ZNF136: variants seen among roughly 807,000 people sequenced by gnomAD.
The protein encoded by ZNF136 is zinc finger protein 136.
Under a neutral mutation model 11.4 loss-of-function variants are expected in ZNF136, and 8 were observed. The ratio of observed to expected loss-of-function variants is 0.70; its 90% CI spans 0.41 to 1.27. The LOEUF (loss-of-function observed/expected upper bound fraction) is 1.27. ZNF136 is among the 50% of genes most tolerant of loss of function. ZNF136 has a pLI of 0.01. For synonymous variants in ZNF136, 190 were observed against 207.1 expected (o/e 0.92, Z 0.71); for missense variants, 590 against 656.5 (o/e 0.90, Z 1.11).
chr19:12,187,733 A>G lies in ZNF136; in HGVS notation c.1355A>G (p.Gln452Arg). The change falls in exon 4 of 4, where the codon CAA becomes CGA. Residue 452 changes from glutamine to arginine, a missense_variant. Transcript: ENST00000343979. ...GGAGAGAAACCCTATGAGTGTAAGC[A>G]ATGTGGGAAAGCCTTCAGTTATCTC... ...HTGEKPYECK[Q>R]CGKAFSYLNS... is the part of the protein sequence containing the mutation. 1 of 1,613,714 alleles carries G rather than the reference A, an allele frequency of 6.2e-7. No individual in the cohort carries two copies. The highest frequency in any genetic ancestry group is 8.5e-7 in the Non-Finnish European group (1 of 1,179,912).
At chr19:12,185,609 G>A (rs768194996) in intron 1 of ZNF136, 176 bp from the exon 2 acceptor site, 10 of 735,972 alleles carry the variant, frequency 1.4e-5, no homozygotes, top group Non-Finnish European at 2.1e-5. Flanking sequence ...TGTTCTACCC[G>A]ATAGTTCCAT....
At chr19:12,183,934 A>T (rs1024506919) in intron 1 of ZNF136, among the ~76,000 whole-genome samples, 1 of 152,208 alleles carries the variant, frequency 6.6e-6, no homozygotes. Flanking sequence ...GTAGGTAGAT[A>T]AATTGGTGAA....
rs1229130912 is a variant in ZNF136, at chr19:12,185,871, A to G, written c.90A>G (p.Arg30=). ...ATCCTTCCCAGAAGAATCTCTACAGAGATGTGATGTGGGAAACCATGAGGA... is the reference window on the plus strand; with the variant it reads ...ATCCTTCCCAGAAGAATCTCTACAGGGATGTGATGTGGGAAACCATGAGGA... The part of the protein sequence containing the change: ...LLDPSQKNLY[R]DVMWETMRNL... Residue 30 remains arginine (R), a synonymous_variant, in exon 2 of 4, where the codon AGA becomes AGG. Transcript: ENST00000343979. The G allele has an allele frequency of 6.2e-7, 1 of 1,613,984 alleles. No individual in the cohort carries two copies.
intron 1 of ZNF136, among the ~76,000 whole-genome samples, chr19:12,176,991 G>C (rs1419507351): frequency 1.3e-5 from 2 of 152,144 alleles, no homozygotes; most frequent in Non-Finnish European, 2.9e-5. Context: ...TTAAAATCTG[G>C]AATGCTTTTA....
At chr19:12,168,379 C>T (rs1914544385) in intron 1 of ZNF136, among the ~76,000 whole-genome samples, 1 of 151,894 alleles carries the variant, frequency 6.6e-6, no homozygotes, top group Non-Finnish European at 1.5e-5. Flanking sequence ...CCCGACAAGC[C>T]CCGTTTTTGA....
chr19:12,179,076 C>T (rs1431147973), intron 1 of ZNF136, among the ~76,000 whole-genome samples: 5 of 150,670 alleles, frequency 3.3e-5, no homozygotes, highest in Non-Finnish European at 7.4e-5. Flanking sequence ...GTGTTTTTTT[C>T]ACATAAATTT....
chr19:12,185,548 A>T (rs1477147564), intron 1 of ZNF136: 25 of 422,014 alleles, frequency 5.9e-5, no homozygotes, highest in Non-Finnish European at 4.2e-6. Context: ...CTCAGGCAGC[A>T]CGTATTACTC....
In ZNF136 at chr19:12,186,920, A is replaced by C. The variant is rs571542494; in HGVS notation, c.542A>C (p.Lys181Thr). The change falls in exon 4 of 4, where the codon AAA becomes ACA. Residue 181 changes from lysine (K) to threonine (T), a missense_variant. Transcript: ENST00000343979. ...TGTGGAAAAACCTTCTTTTCTCTCAAAAGAATTAGAAGACACATCATCACA... is the reference window on the plus strand; with the variant it reads ...TGTGGAAAAACCTTCTTTTCTCTCACAAGAATTAGAAGACACATCATCACA... ...KECGKTFFSL[K>T]RIRRHIITHS... 8 of 1,613,770 alleles carry C rather than the reference A, an allele frequency of 5.0e-6. No individual in the cohort carries two copies. The South Asian group carries it at 8.8e-5, about 18-fold the overall frequency.
At chr19:12,179,927 G>A (rs914614704) in intron 1 of ZNF136, among the ~76,000 whole-genome samples, 5 of 151,718 alleles carry the variant, frequency 3.3e-5, no homozygotes, top group East Asian at 3.9e-4. Context: ...GTGCAGTGGC[G>A]CAGTCTCGGC....
intron 1 of ZNF136, among the ~76,000 whole-genome samples, chr19:12,172,969 G>C (rs965642941): frequency 6.6e-6 from 1 of 151,980 alleles, no homozygotes; most frequent in Non-Finnish European, 1.5e-5. Context: ...CCGAGATTGC[G>C]TCACTGCACT....
chr19:12,186,633 C>A lies in ZNF136; in HGVS notation c.255C>A (p.Ser85Arg). The change falls in exon 4 of 4, where the codon AGC becomes AGA. Residue 85 changes from serine to arginine, a missense_variant. Physicochemically the swap from Ser to Arg is moderately radical, Grantham distance 110 (BLOSUM62 -1). Coordinates refer to ENST00000343979, the MANE Select transcript of ZNF136 (RefSeq NM_003437.5). ...KDGSQRGGIF[S>R]QFANQNLSKK... The stretch of plus-strand genomic sequence containing the variant: ...GTAGTCAGCGTGGAGGAATTTTTAG[C>A]CAGTTTGCAAATCAGAATCTGAGCA... The A allele has an allele frequency of 6.2e-7, 1 of 1,614,058 alleles. No homozygotes were observed. Among genetic ancestry groups the A allele is most frequent in the Non-Finnish European group, 8.5e-7 (1 of 1,179,988 alleles).
chr19:12,185,525 A>G lies in ZNF136; in HGVS notation c.4-260A>G, dbSNP rs565644123. On this transcript the variant is annotated intron_variant, in intron 1 of 3. Coordinates refer to ENST00000343979, the MANE Select transcript of ZNF136 (RefSeq NM_003437.5). ...TTCTACAGGTCCACTGTATGAGCAG[A>G]CATTAGCTGGGACTCAGGCAGCACG... The G allele has an allele frequency of 3.5e-5, 12 of 340,184 alleles. No homozygotes were observed. In the Admixed American group the frequency reaches 4.2e-4, roughly 12 times the overall value. 21.1% of individuals were successfully genotyped at this position (340,184 alleles called of 1,614,324 possible).
At position 12,172,153 on chromosome 19, in the gene ZNF136, A is replaced by G. The variant is rs156177; in HGVS notation, c.3+8947A>G. 1.3e-3 allele frequency among the ~76,000 whole-genome samples: 192 copies of G among 151,840 alleles called. 1 individual carries two copies. The highest frequency in any genetic ancestry group is 4.4e-3 in the African/African-American group (182 of 41,412). On this transcript the variant is annotated intron_variant, in intron 1 of 3. Coordinates refer to ENST00000343979, the MANE Select transcript of ZNF136 (RefSeq NM_003437.5). ...GCCACCATGCCCGGCTAATTTTTGT[A>G]GTTTTAGTAGAGACAGGGTTCCTGA...
chr19:12,181,490 T>A (rs2025480954), intron 1 of ZNF136, among the ~76,000 whole-genome samples: 1 of 151,982 alleles, frequency 6.6e-6, no homozygotes, highest in South Asian at 2.1e-4. Context: ...TTTTTTTTTT[T>A]TTGGTGGAGT....
Position 12,185,790 on chromosome 19 carries a change from G to A in ZNF136, c.9G>A (p.Ser3=), listed in dbSNP as rs117086249. 6,029 of 1,613,168 alleles carry A rather than the reference G, an allele frequency of 3.7e-3. 28 individuals are homozygous for A. The highest frequency in any genetic ancestry group is 6.9e-3 in the Middle Eastern group (42 of 6,050). Residue 3 remains serine, a synonymous_variant, in exon 2 of 4, where the codon TCG becomes TCA. Coordinates refer to ENST00000343979, the MANE Select transcript of ZNF136 (RefSeq NM_003437.5). MD[S]VAFEDVDVNF... is the part of the protein sequence containing the mutation. ...ACATATGTGGGATGTTTCAGGACTC[G>A]GTGGCTTTTGAGGATGTAGATGTGA...
chr19:12,166,554 G>C (rs2145625607), intron 1 of ZNF136, among the ~76,000 whole-genome samples: 1 of 152,290 alleles, frequency 6.6e-6, no homozygotes, highest in East Asian at 1.9e-4. Context: ...GTGAATAACT[G>C]TTCTGTTTCC....
At chr19:12,170,449 G>A (rs1460955975) in intron 1 of ZNF136, among the ~76,000 whole-genome samples, 1 of 150,992 alleles carries the variant, frequency 6.6e-6, no homozygotes, top group Non-Finnish European at 1.5e-5. Flanking sequence ...GTGCAGTGGT[G>A]CAATCACAGC....
In ZNF136 at chr19:12,163,099, A is replaced by G. The variant is rs2145622649; in HGVS notation, c.-105A>G. Reference sequence around the variant, plus strand: ...CTGCCGTACTTGGTTTCGCTTCGCTAGTCCCAGAGGCCCAGAGTGGCTCGC... The same window carrying G: ...CTGCCGTACTTGGTTTCGCTTCGCTGGTCCCAGAGGCCCAGAGTGGCTCGC... On this transcript the variant is annotated 5_prime_UTR_variant, in exon 1 of 4. Coordinates refer to ENST00000343979, the MANE Select transcript of ZNF136 (RefSeq NM_003437.5). The G allele has an allele frequency of 1.6e-6, 2 of 1,278,208 alleles. No homozygotes were observed. The highest frequency in any genetic ancestry group is 2.0e-6 in the Non-Finnish European group (2 of 979,198). The allele number at this position is 1,278,208 out of a possible 1,614,324, so 79.2% of individuals were successfully genotyped here. A position where few individuals can be genotyped will look rare whatever the true frequency, so the allele number is the denominator to read the frequency against.
chr19:12,167,782 C>CA (rs1914517484), intron 1 of ZNF136, among the ~76,000 whole-genome samples: 1 of 152,192 alleles, frequency 6.6e-6, no homozygotes, highest in Non-Finnish European at 1.5e-5. Context: ...GTCTGCCCCT[C>CA]AGAGACTTTC....
Sources: allele counts gnomAD v4.1 joint callset (sites outside exome capture counted in the v4.1 genomes callset), GRCh38; gene constraint gnomAD v4.1.1; transcripts MANE v1.5; gene names NCBI Gene and HGNC (gene_info 2026-07-23, HGNC 2026-07-21).